Variants in PKIG observed in about 807,000 individuals in gnomAD.
PKIG encodes the protein protein kinase (cAMP-dependent, catalytic) inhibitor gamma.
A neutral mutation model predicts 6.8 loss-of-function variants in PKIG; 1 was observed. The ratio of observed to expected loss-of-function variants is 0.15; its 90% CI spans 0.05 to 0.69. The LOEUF is 0.69. Ranked by LOEUF, PKIG falls within the 30% of genes least tolerant of loss-of-function variation. PKIG has a pLI of 0.82. For synonymous variants in PKIG, 39 were observed against 43.0 expected (o/e 0.91, Z 0.36); for missense variants, 77 against 104.0 (o/e 0.74, Z 1.13).
chr20:44,546,560 C>CTTTTTTTTTT (rs59060487), intron 1 of PKIG, among the ~76,000 whole-genome samples: 9,131 of 141,322 alleles, frequency 0.065, 535 homozygotes, highest in African/African-American at 0.12. Context: ...TTTTTGAGTT[C>CTTTTTTTTTT]TTTTTTTTTT....
intron 1 of PKIG, among the ~76,000 whole-genome samples, chr20:44,574,696 C>T (rs770543874): frequency 6.6e-6 from 1 of 151,982 alleles, no homozygotes; most frequent in Non-Finnish European, 1.5e-5. Flanking sequence ...GTCTCAGCCT[C>T]CCAGGCAGGT....
intron 1 of PKIG, among the ~76,000 whole-genome samples, chr20:44,558,702 C>T (rs538103472): frequency 2.0e-5 from 3 of 146,814 alleles, no homozygotes; most frequent in South Asian, 4.3e-4. Flanking sequence ...TCTCTCTCTT[C>T]TCTTTCTTTC....
At chr20:44,543,062 C>T (rs1197484722) in intron 1 of PKIG, among the ~76,000 whole-genome samples, 1 of 152,130 alleles carries the variant, frequency 6.6e-6, no homozygotes, top group African/African-American at 2.4e-5. Flanking sequence ...GGAATGAGGC[C>T]CTAGAGTCCT....
At chr20:44,591,230 G>C (rs549320025) in intron 2 of PKIG, among the ~76,000 whole-genome samples, 6 of 152,150 alleles carry the variant, frequency 3.9e-5, no homozygotes, top group African/African-American at 1.2e-4. Flanking sequence ...TGGAGGCTTG[G>C]GGGGTGCAGC....
intron 1 of PKIG, among the ~76,000 whole-genome samples, chr20:44,559,927 G>T (rs776269374): frequency 1.3e-5 from 2 of 152,074 alleles, no homozygotes; most frequent in Non-Finnish European, 2.9e-5. Flanking sequence ...ATGTAGCGCC[G>T]GGCATGGTGG....
chr20:44,561,685 A>G (rs1255367831), intron 1 of PKIG, among the ~76,000 whole-genome samples: 4 of 152,174 alleles, frequency 2.6e-5, no homozygotes, highest in Admixed American at 2.6e-4. Flanking sequence ...AGGTGAGATC[A>G]TGGCACACTG....
intron 2 of PKIG, among the ~76,000 whole-genome samples, chr20:44,607,612 G>A (rs184864): frequency 0.21 from 31,939 of 149,504 alleles, 4,326 homozygotes; most frequent in African/African-American, 0.38. Context: ...CCTGACCTCA[G>A]GTGATCCACC....
chr20:44,605,406 CAA>C (rs34277645), intron 2 of PKIG, among the ~76,000 whole-genome samples: 7 of 37,328 alleles, frequency 1.9e-4, no homozygotes, highest in African/African-American at 4.2e-4. Context: ...GACTCCGTCT[CAA>C]AAAAAAAAAA....
chr20:44,615,701 C>T (rs938677211), intron 3 of PKIG, among the ~76,000 whole-genome samples: 4 of 152,156 alleles, frequency 2.6e-5, no homozygotes, highest in African/African-American at 4.8e-5. Context: ...GTGGGCTGTC[C>T]GGAGGGCCAC....
chr20:44,587,788 C>T (rs2065002470), intron 1 of PKIG, among the ~76,000 whole-genome samples: 1 of 152,180 alleles, frequency 6.6e-6, no homozygotes, highest in African/African-American at 2.4e-5. Context: ...ATTTTAATTT[C>T]TCCCTGGGCA....
chr20:44,573,194 C>T (rs2064868135), intron 1 of PKIG, among the ~76,000 whole-genome samples: 1 of 152,244 alleles, frequency 6.6e-6, no homozygotes, highest in South Asian at 2.1e-4. Flanking sequence ...CCTTTGAGGA[C>T]TCCAGCAACA....
At chr20:44,559,214 A>G (rs1215156901) in intron 1 of PKIG, among the ~76,000 whole-genome samples, 2 of 152,218 alleles carry the variant, frequency 1.3e-5, no homozygotes. Flanking sequence ...GAAGTAAACC[A>G]TTCTTAACAA....
At chr20:44,570,313 G>A (rs1477683279) in intron 1 of PKIG, among the ~76,000 whole-genome samples, 1 of 152,162 alleles carries the variant, frequency 6.6e-6, no homozygotes. Context: ...ATGATAAGTT[G>A]TATGCAATAA....
chr20:44,595,518 T>G (rs1358362902), intron 2 of PKIG, among the ~76,000 whole-genome samples: 1 of 152,046 alleles, frequency 6.6e-6, no homozygotes, highest in Non-Finnish European at 1.5e-5. Flanking sequence ...TTTTATTTAT[T>G]TATTTATTTT....
At chr20:44,574,004 G>T (rs1271865995) in intron 1 of PKIG, among the ~76,000 whole-genome samples, 7 of 152,048 alleles carry the variant, frequency 4.6e-5, no homozygotes, top group Admixed American at 4.6e-4. Context: ...GTCTAGAAAG[G>T]CATCTGTCTC....
chr20:44,617,074 C>T (rs2065271759), intron 3 of PKIG, among the ~76,000 whole-genome samples: 1 of 152,180 alleles, frequency 6.6e-6, no homozygotes, highest in South Asian at 2.1e-4. Context: ...CCTCGCTGGG[C>T]CTCGGTTTTC....
intron 2 of PKIG, among the ~76,000 whole-genome samples, chr20:44,595,344 G>T (rs921655256): frequency 2.0e-5 from 3 of 152,216 alleles, no homozygotes; most frequent in African/African-American, 7.2e-5. Flanking sequence ...GTGGGCCACT[G>T]TGCTCCCTTG....
At chr20:44,552,024 G>A (rs962746408) in intron 1 of PKIG, among the ~76,000 whole-genome samples, 3 of 152,156 alleles carry the variant, frequency 2.0e-5, no homozygotes, top group Admixed American at 6.5e-5. Flanking sequence ...ATATAAAAAG[G>A]GACTTGAAGC....
At chr20:44,585,070 G>C (rs921423908) in intron 1 of PKIG, 2 of 152,306 alleles carry the variant, frequency 1.3e-5, no homozygotes, top group Non-Finnish European at 2.9e-5. Context: ...GAGATTTGGG[G>C]TAATCAAAAA....
Sources: allele counts gnomAD v4.1 joint callset (sites outside exome capture counted in the v4.1 genomes callset), GRCh38; gene constraint gnomAD v4.1.1; transcripts MANE v1.5; gene names NCBI Gene and HGNC (gene_info 2026-07-23, HGNC 2026-07-21).